Variants in PCDHGA10 observed in about 807,000 individuals in gnomAD.
The protein encoded by PCDHGA10 is protocadherin gamma subfamily A, 10, also known as protocadherin gamma-A10.
In PCDHGA10, 42 loss-of-function variants were observed where a neutral mutation model predicts 59.5. That is an observed-to-expected ratio of 0.71 (90% CI 0.55 to 0.91). The LOEUF is 0.91. Among genes scored for constraint, PCDHGA10 ranks in the 40% least tolerant of loss-of-function variants. The pLI is 0.00. For synonymous variants in PCDHGA10, 511 were observed against 517.2 expected (o/e 0.99, Z 0.16); for missense variants, 1,111 against 1,198.2 (o/e 0.93, Z 1.07).
intron 1 of PCDHGA10, chr5:141,422,797 G>A (rs1037091316): frequency 2.5e-6 from 4 of 1,614,244 alleles, no homozygotes; most frequent in Non-Finnish European, 3.4e-6. Context: ...CTTCGACTAT[G>A]AGCAGTTTCG....
At chr5:141,423,619 T>C (rs1389600826) in intron 1 of PCDHGA10, 1 of 1,608,090 alleles carries the variant, frequency 6.2e-7, no homozygotes. Context: ...AGCTGAAGAC[T>C]CAGCTATCAT....
In PCDHGA10 at chr5:141,431,468, G is replaced by C. The variant is rs756718016; in HGVS notation, c.2436+15857G>C. 4 of 1,613,804 alleles carry C rather than the reference G, an allele frequency of 2.5e-6. No homozygotes were observed. Among genetic ancestry groups the C allele is most frequent in the Non-Finnish European group, 3.4e-6 (4 of 1,179,964 alleles). On this transcript the variant is annotated intron_variant, in intron 1 of 3. Coordinates refer to ENST00000398610, the MANE Select transcript of PCDHGA10 (RefSeq NM_018913.3). The surrounding 1 kb of genome is among the most constrained non-coding windows in gnomAD (Gnocchi z 4.8). Reference sequence around the variant, plus strand: ...CCGCGTGATGGTTCTGGATGCGAACGACAACGCACCAGCGTTTGCTCAGCC... The same window carrying C: ...CCGCGTGATGGTTCTGGATGCGAACCACAACGCACCAGCGTTTGCTCAGCC...
In PCDHGA10 at chr5:141,486,030, C is replaced by T. The variant is rs2099623234; in HGVS notation, c.2437-8777C>T. 2 of 1,614,046 alleles carry T rather than the reference C, an allele frequency of 1.2e-6. No homozygotes were observed. Among genetic ancestry groups the T allele is most frequent in the African/African-American group, 1.3e-5 (1 of 74,918 alleles). On this transcript the variant is annotated intron_variant, in intron 1 of 3. Coordinates refer to ENST00000398610, the MANE Select transcript of PCDHGA10 (RefSeq NM_018913.3). This position sits in a 1 kb window ranked among gnomAD's most constrained non-coding sequence, Gnocchi z 5.0. ...ACCTTTTATTTCAGTGGTCATACCC[C>T]TGATCGTGTAAGAAACCTCTTTAGC...
In PCDHGA10 at chr5:141,511,188, C is replaced by A; in HGVS notation, c.*15C>A. 1 of 1,613,804 alleles carries A rather than the reference C, an allele frequency of 6.2e-7. No homozygotes were observed. ...AGAAGAAGTAACATGGAGGCCAGGC[C>A]AAGAGCCACAGGGCGGCCTCTCCCC... On this transcript the variant is annotated 3_prime_UTR_variant, in exon 4 of 4. Transcript: ENST00000398610.
rs566838507 is a variant in PCDHGA10, at chr5:141,415,047, G to A, written c.1872G>A (p.Gly624=). 5 of 1,613,392 alleles carry A rather than the reference G, an allele frequency of 3.1e-6. No homozygotes were observed. The African/African-American group carries it at 5.3e-5, about 17-fold the overall frequency. Reference sequence around the variant, plus strand: ...GCGAGCCGGGACTCTTCGCGGTGGGGGAGCACACGGGCGAGGTGCGCACGG... The same window carrying A: ...GCGAGCCGGGACTCTTCGCGGTGGGAGAGCACACGGGCGAGGTGCGCACGG... ...KASEPGLFAV[G]EHTGEVRTAR... is the part of the protein sequence containing the mutation. The change falls in exon 1 of 4, where the codon GGG becomes GGA. Residue 624 remains glycine, a synonymous_variant. Coordinates refer to ENST00000398610, the MANE Select transcript of PCDHGA10 (RefSeq NM_018913.3).
At chr5:141,422,459 T>C (rs1368153179) in intron 1 of PCDHGA10, 1 of 1,613,448 alleles carries the variant, frequency 6.2e-7, no homozygotes, top group South Asian at 1.1e-5. Context: ...AGCAGAGTGC[T>C]GGACAGGGAG....
At chr5:141,421,966 G>A in intron 1 of PCDHGA10, 1 of 1,610,918 alleles carries the variant, frequency 6.2e-7, no homozygotes, top group Non-Finnish European at 8.5e-7. Flanking sequence ...TACACAGTCC[G>A]TATATCGCGT....
chr5:141,425,979 A>T lies in PCDHGA10; in HGVS notation c.2436+10368A>T, dbSNP rs114212354. ...GTCCAACACATCAGTCTAATTCTGA[A>T]TCCCATTGAATTAGCAAAGGCTTCC... On this transcript the variant is annotated intron_variant, in intron 1 of 3. Coordinates refer to ENST00000398610, the MANE Select transcript of PCDHGA10 (RefSeq NM_018913.3). Among the ~76,000 whole-genome samples, 592 of 152,328 alleles carry T rather than the reference A, an allele frequency of 3.9e-3. 5 individuals carry two copies. Among genetic ancestry groups the T allele is most frequent in the African/African-American group, 0.014 (563 of 41,580 alleles).
intron 1 of PCDHGA10, among the ~76,000 whole-genome samples, chr5:141,437,415 G>A: frequency 6.6e-6 from 1 of 152,162 alleles, no homozygotes; most frequent in Non-Finnish European, 1.5e-5. Context: ...GAAGTATTAT[G>A]CTTTTTGAAG....
rs2097438776 is a variant in PCDHGA10 at position 141,432,018 on chromosome 5, T to C, written c.2436+16407T>C. Reference sequence around the variant, plus strand: ...AGGGAACAGGTTCCTAGCTACAACATCACAGTGACCGCCACTGACCGGGGA... The same window carrying C: ...AGGGAACAGGTTCCTAGCTACAACACCACAGTGACCGCCACTGACCGGGGA... On this transcript the variant is annotated intron_variant, in intron 1 of 3. Transcript: ENST00000398610. This position sits in a 1 kb window ranked among gnomAD's most constrained non-coding sequence, Gnocchi z 6.0. 1.9e-6 allele frequency: 3 copies of C among 1,614,048 alleles called. No homozygotes were observed. In the South Asian group the frequency reaches 3.3e-5, roughly 18 times the overall value.
chr5:141,476,357 C>T lies in PCDHGA10; in HGVS notation c.2437-18450C>T. On this transcript the variant is annotated intron_variant, in intron 1 of 3. Transcript: ENST00000398610. The surrounding 1 kb of genome is among the most constrained non-coding windows in gnomAD (Gnocchi z 7.6). ...TAGCCGAAGATTCTTTGAGGTGAAC[C>T]GGGAGACCGGAGAGATGTTTGTGAA... The T allele has an allele frequency of 6.2e-7, 1 of 1,614,052 alleles. No individual in the cohort carries two copies. The highest frequency in any genetic ancestry group is 2.2e-5 in the East Asian group (1 of 44,854).
intron 1 of PCDHGA10, among the ~76,000 whole-genome samples, chr5:141,451,908 G>A (rs899191624): frequency 3.9e-5 from 6 of 152,046 alleles, no homozygotes; most frequent in African/African-American, 7.2e-5. Context: ...AAGGGAGGGA[G>A]GGAGGAAGGA....
intron 1 of PCDHGA10, chr5:141,419,971 C>T (rs1254783575): frequency 1.2e-6 from 2 of 1,613,942 alleles, no homozygotes; most frequent in African/African-American, 2.7e-5. Context: ...TGCTCTTTCT[C>T]CTCGCGGTGA....
intron 1 of PCDHGA10, chr5:141,422,738 C>G: frequency 6.2e-7 from 1 of 1,609,538 alleles, no homozygotes; most frequent in Non-Finnish European, 8.5e-7. Flanking sequence ...CCTCTGTCCT[C>G]CTATGTCTCT....
intron 1 of PCDHGA10, among the ~76,000 whole-genome samples, chr5:141,475,442 T>A (rs1007534176): frequency 1.3e-5 from 2 of 152,238 alleles, no homozygotes; most frequent in African/African-American, 4.8e-5. Context: ...TAGCTCCAGA[T>A]AATGAGGAAG....
rs757797019 is a variant in PCDHGA10 at position 141,487,064 on chromosome 5, G to A, written c.2437-7743G>A. On this transcript the variant is annotated intron_variant, in intron 1 of 3. Transcript: ENST00000398610. The surrounding 1 kb of genome is among the most constrained non-coding windows in gnomAD (Gnocchi z 5.0). The stretch of plus-strand genomic sequence containing the variant: ...TCGATATGCTGGGGAGGTGCGGACG[G>A]CTGTTCCTATCCCAGCTGACCTCCC... 6.2e-6 allele frequency: 10 copies of A among 1,614,006 alleles called. No individual in the cohort carries two copies.
Position 141,491,793 on chromosome 5 carries a change from C to T in PCDHGA10, c.2437-3014C>T, listed in dbSNP as rs2099730341. 4.0e-6 allele frequency: 6 copies of T among 1,511,410 alleles called. No individual in the cohort carries two copies. Among genetic ancestry groups the T allele is most frequent in the East Asian group, 2.5e-5 (1 of 40,660 alleles). The allele number at this position is 1,511,410 out of a possible 1,614,324, so 93.6% of individuals were successfully genotyped here. A position where few individuals can be genotyped will look rare whatever the true frequency, so the allele number is the denominator to read the frequency against. On this transcript the variant is annotated intron_variant, in intron 1 of 3. Transcript: ENST00000398610. This position sits in a 1 kb window ranked among gnomAD's most constrained non-coding sequence, Gnocchi z 6.9. ...AGGGATTGAACTTGCATCCACTCCT[C>T]TCCGGCCGGCTTGGTCGCTGGCTGC...
At position 141,433,188 on chromosome 5, in the gene PCDHGA10, G is replaced by A. The variant is rs2097573612; in HGVS notation, c.2436+17577G>A. The A allele has an allele frequency of 2.5e-6, 4 of 1,583,816 alleles. No homozygotes were observed. The South Asian group carries it at 3.5e-5, about 14-fold the overall frequency. On this transcript the variant is annotated intron_variant, in intron 1 of 3. Coordinates refer to ENST00000398610, the MANE Select transcript of PCDHGA10 (RefSeq NM_018913.3). ...GACAGTCATGGGTTAATTGAGGTGA[G>A]TTTATATCAAATCTTCTTTCTTTTT...
Position 141,476,075 on chromosome 5 carries a change from G to T in PCDHGA10, c.2437-18732G>T. ...TGAAAGTTTCTCAGCGAAATCTCAG[G>T]GACGATCTGGACCCCGCTGAGAGGA... On this transcript the variant is annotated intron_variant, in intron 1 of 3. Coordinates refer to ENST00000398610, the MANE Select transcript of PCDHGA10 (RefSeq NM_018913.3). This position sits in a 1 kb window ranked among gnomAD's most constrained non-coding sequence, Gnocchi z 7.6. The T allele has an allele frequency of 6.6e-7, 1 of 1,526,282 alleles. No homozygotes were observed. The highest frequency in any genetic ancestry group is 1.3e-5 in the South Asian group (1 of 78,462). The allele number at this position is 1,526,282 out of a possible 1,614,324, so 94.5% of individuals were successfully genotyped here.
Sources: allele counts gnomAD v4.1 joint callset (sites outside exome capture counted in the v4.1 genomes callset), GRCh38; gene constraint gnomAD v4.1.1; non-coding constraint Gnocchi (gnomAD v3.1); transcripts MANE v1.5; gene names NCBI Gene and HGNC (gene_info 2026-07-23, HGNC 2026-07-21).